Variants in BTAF1 observed in about 807,000 individuals in gnomAD.
The protein encoded by BTAF1 is TATA-binding protein-associated factor 172.
A neutral mutation model predicts 227.1 loss-of-function variants in BTAF1; 38 were observed. That is an observed-to-expected ratio of 0.17 (90% CI 0.13 to 0.22). The LOEUF (loss-of-function observed/expected upper bound fraction) is 0.22. Ranked by LOEUF, BTAF1 falls within the 10% of genes least tolerant of loss-of-function variation. The probability of loss-of-function intolerance (pLI) is 1.00; values close to 1 mark genes in which losing one functional copy is unlikely to be tolerated. For synonymous variants in BTAF1, 742 were observed against 751.9 expected (o/e 0.99, Z 0.21); for missense variants, 1,598 against 2,204.0 (o/e 0.73, Z 5.51).
chr10:91,980,273 T>C (rs192657876), intron 14 of BTAF1, among the ~76,000 whole-genome samples, 181 bp from the exon 15 acceptor site: 90 of 152,316 alleles, frequency 5.9e-4, no homozygotes, highest in African/African-American at 2.1e-3. Context: ...AGACCATTGG[T>C]ATAATAAATA....
chr10:91,962,081 A>G (rs1480338843), intron 11 of BTAF1, among the ~76,000 whole-genome samples: 1 of 152,130 alleles, frequency 6.6e-6, no homozygotes, highest in African/African-American at 2.4e-5. Context: ...ATTTTTGTTT[A>G]TGTGATTGTT....
rs540473185 is a variant in BTAF1, at chr10:91,923,806, G to A, written c.-271G>A. 164 of 419,616 alleles carry A rather than the reference G, an allele frequency of 3.9e-4. No homozygotes were observed. The highest frequency in any genetic ancestry group is 6.5e-4 in the Non-Finnish European group (153 of 236,052). The allele number at this position is 419,616 out of a possible 1,614,324, so 26.0% of individuals were successfully genotyped here. On this transcript the variant is annotated 5_prime_UTR_variant, in exon 1 of 38. Transcript: ENST00000265990. ...CCGACGCCCGCGTCAGCAAAGAGCG[G>A]AGCTGAGGGTACCCGGTTTGAAGTC...
chr10:92,006,518 C>T (rs1342255196), intron 25 of BTAF1, among the ~76,000 whole-genome samples: 1 of 152,184 alleles, frequency 6.6e-6, no homozygotes, highest in Non-Finnish European at 1.5e-5. Context: ...TTTGTAACAT[C>T]ATGCGTCAGT....
chr10:91,941,255 AT>A (rs1263088269), intron 3 of BTAF1, among the ~76,000 whole-genome samples: 1 of 152,190 alleles, frequency 6.6e-6, no homozygotes, highest in African/African-American at 2.4e-5. Flanking sequence ...AAAAGACTTA[AT>A]TTTTTTAAAA....
At chr10:91,989,655 T>G in intron 20 of BTAF1, 75 bp downstream of exon 20, 4 of 1,339,484 alleles carry the variant, frequency 3.0e-6, no homozygotes, top group Non-Finnish European at 4.1e-6. Flanking sequence ...TGGGTATAAT[T>G]TAAGCACAAA....
At chr10:91,940,561 T>A (rs1049138900) in intron 3 of BTAF1, among the ~76,000 whole-genome samples, 1 of 152,176 alleles carries the variant, frequency 6.6e-6, no homozygotes, top group African/African-American at 2.4e-5. Context: ...AAAAACAAAT[T>A]ACATGCTTTT....
Position 91,924,005 on chromosome 10 carries a change from C to G in BTAF1, c.-72C>G, listed in dbSNP as rs1036515719. On this transcript the variant is annotated 5_prime_UTR_variant, in exon 1 of 38. Coordinates refer to ENST00000265990, the MANE Select transcript of BTAF1 (RefSeq NM_003972.3). Reference sequence around the variant, plus strand: ...CGCGGCCTGGGCCTGCGCCGCTCAGCTCTCTGGAAACTAGCGCCTCAGCTG... The same window carrying G: ...CGCGGCCTGGGCCTGCGCCGCTCAGGTCTCTGGAAACTAGCGCCTCAGCTG... The G allele has an allele frequency of 3.1e-5, 49 of 1,568,566 alleles. No homozygotes were observed. Among genetic ancestry groups the G allele is most frequent in the Non-Finnish European group, 3.7e-5 (43 of 1,160,776 alleles).
intron 8 of BTAF1, among the ~76,000 whole-genome samples, chr10:91,958,330 A>T (rs1319505382): frequency 2.0e-5 from 3 of 152,122 alleles, no homozygotes; most frequent in Non-Finnish European, 1.5e-5. Flanking sequence ...TGCTGGGATT[A>T]CAAGTGTGAG....
chr10:91,963,968 G>GGAATTGCATGTGTTGTTGA, intron 12 of BTAF1, 109 bp from the exon 13 acceptor site: 1 of 1,201,838 alleles, frequency 8.3e-7, no homozygotes, highest in Non-Finnish European at 1.2e-6. Flanking sequence ...CAAGGTCATT[G>GGAATTGCATGTGTTGTTGA]GAATTGCATG....
intron 14 of BTAF1, among the ~76,000 whole-genome samples, chr10:91,976,804 C>G (rs1012551449): frequency 6.6e-6 from 1 of 152,098 alleles, no homozygotes; most frequent in Non-Finnish European, 1.5e-5. Flanking sequence ...GCTATGGGCT[C>G]GAACAATTTT....
In BTAF1 at chr10:91,935,755, A is replaced by T. The variant is rs1487107342; in HGVS notation, c.113A>T (p.His38Leu). Residue 38 changes from histidine to leucine, a missense_variant, in exon 2 of 38, where the codon CAT (histidine) becomes CTT (leucine). Coordinates refer to ENST00000265990, the MANE Select transcript of BTAF1 (RefSeq NM_003972.3). ...GGAGAAGTGGTGAAGCTTCATCCCC[A>T]TGAACTAAATAATCTCCTGTCTAAA... ...QLGEVVKLHP[H>L]ELNNLLSKVL... 6.2e-7 allele frequency: 1 copy of T among 1,612,166 alleles called. No homozygotes were observed. Among genetic ancestry groups the T allele is most frequent in the East Asian group, 2.2e-5 (1 of 44,852 alleles).
Position 91,927,863 on chromosome 10 carries a change from G to A in BTAF1, c.14+3773G>A, listed in dbSNP as rs74710529. On this transcript the variant is annotated intron_variant, in intron 1 of 37. Transcript: ENST00000265990. ...TGACTTTCCAGCATCCGCATCTTAG[G>A]GACAACATTGTTCTCTACTCCTACA... Among the ~76,000 whole-genome samples, 1,445 of 152,030 alleles carry A rather than the reference G, an allele frequency of 9.5e-3. 24 individuals are homozygous for A. Among genetic ancestry groups the A allele is most frequent in the African/African-American group, 0.032 (1,341 of 41,474 alleles).
Position 91,982,104 on chromosome 10 carries a change from C to T in BTAF1, c.1927C>T (p.Arg643Cys), listed in dbSNP as rs749503011. The change falls in exon 17 of 38, where the codon CGC becomes TGC. Residue 643 changes from arginine (R) to cysteine (C), a missense_variant. Physicochemically the swap from Arg to Cys is radical, Grantham distance 180 (BLOSUM62 -3). Coordinates refer to ENST00000265990, the MANE Select transcript of BTAF1 (RefSeq NM_003972.3). ...GTAGGAAAAAACAGGTGGTAAGGTGCGCCAAGGCCAAAGCCAGAATAAAGA... is the reference window on the plus strand; with the variant it reads ...GTAGGAAAAAACAGGTGGTAAGGTGTGCCAAGGCCAAAGCCAGAATAAAGA... The part of the protein sequence containing the change: ...RAKEKTGGKV[R>C]QGQSQNKEVL... The T allele has an allele frequency of 1.1e-5, 18 of 1,612,660 alleles. No homozygotes were observed. Among genetic ancestry groups the T allele is most frequent in the Admixed American group, 8.4e-5 (5 of 59,860 alleles).
intron 28 of BTAF1, 75 bp from the exon 29 acceptor site, chr10:92,010,998 C>A: frequency 9.3e-7 from 1 of 1,075,978 alleles, no homozygotes; most frequent in Non-Finnish European, 1.4e-6. Context: ...AGATTGAAAG[C>A]ACTTTATACA....
At chr10:91,942,330 G>A (rs1409481738) in intron 3 of BTAF1, 92 bp from the exon 4 acceptor site, 3 of 881,038 alleles carry the variant, frequency 3.4e-6, no homozygotes, top group Non-Finnish European at 3.5e-6. Context: ...GTGTGTGTGT[G>A]TAACCCATGC....
At position 91,953,883 on chromosome 10, in the gene BTAF1, T is replaced by C. The variant is rs778396941; in HGVS notation, c.701+10T>C. 3 of 1,611,954 alleles carry C rather than the reference T, an allele frequency of 1.9e-6. No homozygotes were observed. The highest frequency in any genetic ancestry group is 2.7e-5 in the African/African-American group (2 of 74,730). ...AAACTAATGAGAAGAGGTAGTAATC[T>C]TTTTTTGCCTATTCACTTAAAACAA... On this transcript the variant is annotated intron_variant, in intron 6 of 37. Transcript: ENST00000265990.
At chr10:91,926,859 T>G (rs1402153427) in intron 1 of BTAF1, among the ~76,000 whole-genome samples, 2 of 152,218 alleles carry the variant, frequency 1.3e-5, no homozygotes, top group African/African-American at 4.8e-5. Context: ...AACATGGTAA[T>G]CTTTCTAATT....
chr10:91,979,290 A>G (rs1445286580), intron 14 of BTAF1, among the ~76,000 whole-genome samples: 3 of 152,140 alleles, frequency 2.0e-5, no homozygotes, highest in African/African-American at 2.4e-5. Context: ...ATATTCATGC[A>G]TATGTCTTTA....
chr10:92,016,999 A>G (rs1471262795), intron 33 of BTAF1, among the ~76,000 whole-genome samples: 1 of 152,246 alleles, frequency 6.6e-6, no homozygotes, highest in Non-Finnish European at 1.5e-5. Flanking sequence ...GCTTTAGAAT[A>G]GAGAATCTTT....
Sources: allele counts gnomAD v4.1 joint callset (sites outside exome capture counted in the v4.1 genomes callset), GRCh38; gene constraint gnomAD v4.1.1; transcripts MANE v1.5; gene names NCBI Gene and HGNC (gene_info 2026-07-23, HGNC 2026-07-21).